The following CCSER1 variants were observed in gnomAD, a reference collection of about 807,000 sequenced individuals.
CCSER1 encodes serine-rich coiled-coil domain-containing protein 1.
Under a neutral mutation model 82.0 loss-of-function variants are expected in CCSER1, and 41 were observed. That is an observed-to-expected ratio of 0.50 (90% confidence interval 0.39 to 0.65). CCSER1 has a LOEUF of 0.65. Among genes scored for constraint, CCSER1 ranks in the 30% least tolerant of loss-of-function variants. CCSER1 has a pLI of 0.00. For missense variants in CCSER1, 1,119 were observed against 1,064.2 expected (o/e 1.05, Z -0.72); for synonymous variants, 414 against 383.9 (o/e 1.08, Z -0.92).
At chr4:91,480,295 C>G (rs1386242707) in intron 10 of CCSER1, among the ~76,000 whole-genome samples, 1 of 152,174 alleles carries the variant, frequency 6.6e-6, no homozygotes, top group African/African-American at 2.4e-5. Flanking sequence ...ATTTCTAATT[C>G]TAGATCCCTA....
At chr4:90,408,603 A>G (rs1030371131) in intron 4 of CCSER1, among the ~76,000 whole-genome samples, 6 of 152,204 alleles carry the variant, frequency 3.9e-5, no homozygotes, top group Non-Finnish European at 7.4e-5. Context: ...TAACCAACAG[A>G]AAGGACATCC....
chr4:91,068,573 A>G (rs533819486), intron 9 of CCSER1, among the ~76,000 whole-genome samples: 1 of 152,336 alleles, frequency 6.6e-6, no homozygotes, highest in East Asian at 1.9e-4. Context: ...ATGTAGTTTT[A>G]CATTATGAGT....
At chr4:90,664,683 C>A (rs1327003508) in intron 6 of CCSER1, among the ~76,000 whole-genome samples, 2 of 152,078 alleles carry the variant, frequency 1.3e-5, no homozygotes, top group Non-Finnish European at 2.9e-5. Flanking sequence ...GGTGGATCAC[C>A]TGAGGTCAGG....
At chr4:91,436,137 A>G (rs1413431959) in intron 10 of CCSER1, among the ~76,000 whole-genome samples, 4 of 152,148 alleles carry the variant, frequency 2.6e-5, no homozygotes, top group African/African-American at 9.7e-5. Flanking sequence ...GTTACTTTCG[A>G]TGTCAAGAAC....
chr4:90,716,558 G>A (rs1741676131), intron 6 of CCSER1, among the ~76,000 whole-genome samples: 2 of 151,998 alleles, frequency 1.3e-5, no homozygotes, highest in South Asian at 2.1e-4. Flanking sequence ...ATACAGTTAT[G>A]TGCTGTATAA....
Position 91,085,941 on chromosome 4 carries a change from C to T in CCSER1, c.2173-9C>T, listed in dbSNP as rs1235687899. The T allele has an allele frequency of 6.7e-7, 1 of 1,487,880 alleles. No individual in the cohort carries two copies. Among genetic ancestry groups the T allele is most frequent in the East Asian group, 2.5e-5 (1 of 40,512 alleles). 92.2% of individuals were successfully genotyped at this position (1,487,880 alleles called of 1,614,324 possible). On this transcript the variant is annotated splice_polypyrimidine_tract_variant and intron_variant, in intron 9 of 10. Coordinates refer to ENST00000509176, the MANE Select transcript of CCSER1 (RefSeq NM_001145065.2). ...GCCAATAATAATATACTTTGCTTTT[C>T]TTTTTCAGGGTTTAAACTTGAAAAG...
intron 9 of CCSER1, among the ~76,000 whole-genome samples, chr4:91,085,702 A>G (rs1311313592): frequency 6.6e-6 from 1 of 152,108 alleles, no homozygotes; most frequent in Non-Finnish European, 1.5e-5. Flanking sequence ...CTTAAAATAG[A>G]TGTATTAACA....
At chr4:91,317,966 T>C (rs1426766063) in intron 10 of CCSER1, among the ~76,000 whole-genome samples, 1 of 151,988 alleles carries the variant, frequency 6.6e-6, no homozygotes, top group Non-Finnish European at 1.5e-5. Flanking sequence ...GTTTTGAACT[T>C]AATGAGATGG....
At chr4:90,224,802 G>A (rs1742825580) in intron 1 of CCSER1, among the ~76,000 whole-genome samples, 1 of 152,168 alleles carries the variant, frequency 6.6e-6, no homozygotes, top group African/African-American at 2.4e-5. Flanking sequence ...TTTCAGTACT[G>A]TAAGGGCTCC....
intron 10 of CCSER1, among the ~76,000 whole-genome samples, chr4:91,426,470 T>C (rs1384842221): frequency 6.6e-6 from 1 of 151,902 alleles, no homozygotes; most frequent in Admixed American, 6.6e-5. Context: ...CACACTGTCT[T>C]CCACAATGGT....
intron 1 of CCSER1, among the ~76,000 whole-genome samples, chr4:90,248,767 C>T (rs949983603): frequency 4.6e-5 from 7 of 151,242 alleles, no homozygotes; most frequent in African/African-American, 1.5e-4. Flanking sequence ...GTGTGATCAC[C>T]GTTCACTGAA....
intron 7 of CCSER1, among the ~76,000 whole-genome samples, chr4:90,789,656 A>C (rs1754973350): frequency 6.6e-6 from 1 of 152,150 alleles, no homozygotes; most frequent in South Asian, 2.1e-4. Flanking sequence ...AATAAGTCTC[A>C]TGAAATCTGA....
At chr4:91,509,833 A>G (rs1016176849) in intron 10 of CCSER1, among the ~76,000 whole-genome samples, 1 of 152,146 alleles carries the variant, frequency 6.6e-6, no homozygotes, top group East Asian at 1.9e-4. Context: ...AGATGAAGAT[A>G]TATAGATTTT....
Position 91,370,089 on chromosome 4 carries a change from T to C in CCSER1, c.2218-228483T>C, listed in dbSNP as rs114498484. 6.1e-3 allele frequency among the ~76,000 whole-genome samples: 936 copies of C among 152,246 alleles called. 14 individuals carry two copies. The highest frequency in any genetic ancestry group is 0.021 in the African/African-American group (874 of 41,526). On this transcript the variant is annotated intron_variant, in intron 10 of 10. Transcript: ENST00000509176. ...AGTCTATTTAACCATGTAGACCTTG[T>C]GCTCAATCAATACCTGCTAACAAGT...
intron 9 of CCSER1, among the ~76,000 whole-genome samples, chr4:91,083,167 T>C (rs1231260374): frequency 6.6e-6 from 1 of 152,170 alleles, no homozygotes; most frequent in Non-Finnish European, 1.5e-5. Context: ...AACCCAAATG[T>C]CCATCAATGA....
rs1231504274 is a variant in CCSER1 at position 90,819,799 on chromosome 4, C to T, written c.2094+3954C>T. 3.9e-5 allele frequency among the ~76,000 whole-genome samples: 6 copies of T among 152,094 alleles called. No individual in the cohort carries two copies. The South Asian group carries it at 1.2e-3, about 32-fold the overall frequency. On this transcript the variant is annotated intron_variant, in intron 8 of 10. Transcript: ENST00000509176. ...CCCTGAAATATTTATGCATTACTTA[C>T]CTTGGTGAGATTTACTGTTTTCAAC...
intron 1 of CCSER1, among the ~76,000 whole-genome samples, chr4:90,300,051 A>G (rs1732802874): frequency 6.6e-6 from 1 of 152,070 alleles, no homozygotes. Context: ...AGGCTCTACC[A>G]GGTTATTTTC....
intron 10 of CCSER1, among the ~76,000 whole-genome samples, chr4:91,413,777 AAG>A (rs1226578183): frequency 1.3e-5 from 2 of 152,116 alleles, no homozygotes; most frequent in Non-Finnish European, 2.9e-5. Context: ...GTCAAGAACA[AAG>A]AGAGAATTTT....
At chr4:91,518,126 T>A (rs1232496829) in intron 10 of CCSER1, among the ~76,000 whole-genome samples, 16 of 152,198 alleles carry the variant, frequency 1.1e-4, no homozygotes. Flanking sequence ...CCGGGCTGCA[T>A]GCAGCAGCTC....
Sources: gnomAD v4.1 joint callset for allele counts (sites outside exome capture counted in the v4.1 genomes callset) on GRCh38, gnomAD v4.1.1 for gene constraint, MANE v1.5 for transcripts, NCBI Gene and HGNC (gene_info 2026-07-23, HGNC 2026-07-21) for gene names.